MAGI2: variants seen among roughly 807,000 people sequenced by gnomAD.
The protein encoded by MAGI2 is membrane-associated guanylate kinase, WW and PDZ domain-containing protein 2.
Under a neutral mutation model 133.3 loss-of-function variants are expected in MAGI2, and 35 were observed. That is an observed-to-expected ratio of 0.26 (90% confidence interval 0.20 to 0.35). MAGI2 has a LOEUF of 0.35. MAGI2 is among the 10% of genes least tolerant of loss of function. The pLI is 1.00. For synonymous variants in MAGI2, 729 were observed against 710.6 expected (o/e 1.03, Z -0.41); for missense variants, 1,636 against 1,863.4 (o/e 0.88, Z 2.25).
intron 1 of MAGI2, among the ~76,000 whole-genome samples, chr7:79,364,009 C>T (rs1287407986): frequency 2.0e-5 from 3 of 151,792 alleles, no homozygotes; most frequent in Non-Finnish European, 4.4e-5. Flanking sequence ...ATCTCTAATC[C>T]TCAGACAAAT....
intron 14 of MAGI2, among the ~76,000 whole-genome samples, chr7:78,177,206 T>C (rs1563219922): frequency 6.6e-6 from 1 of 152,182 alleles, no homozygotes; most frequent in East Asian, 1.9e-4. Flanking sequence ...CAGAGCCGGA[T>C]GGGATGTAGA....
rs59531463 is a variant in MAGI2, at chr7:78,061,409, TACACACACACACACACACAC to T, written c.3706+17518_3706+17537del. ...TATGCTCACATCTGGGGACTGGTTG[TACACACACACACACACACAC>T]ACACACACACACACACACACACACA... On this transcript the variant is annotated intron_variant, in intron 21 of 21. Transcript: ENST00000354212. 4.9e-4 allele frequency among the ~76,000 whole-genome samples: 68 copies of T among 139,752 alleles called. 1 individual carries two copies. In the South Asian group the frequency reaches 5.0e-3, roughly 10 times the overall value. 91.7% of individuals were successfully genotyped at this position (139,752 alleles called of 152,430 possible).
chr7:79,353,206 G>T (rs1841800997), intron 1 of MAGI2, among the ~76,000 whole-genome samples: 1 of 152,040 alleles, frequency 6.6e-6, no homozygotes, highest in Non-Finnish European at 1.5e-5. Context: ...AGCTGCCTAG[G>T]ACCTCCAGGT....
At chr7:78,522,450 C>T (rs749730663) in intron 3 of MAGI2, among the ~76,000 whole-genome samples, 4 of 152,188 alleles carry the variant, frequency 2.6e-5, no homozygotes, top group Admixed American at 2.0e-4. Flanking sequence ...GCAATCTTGG[C>T]GGACTGATAC....
chr7:78,261,753 G>C (rs1219150262), intron 9 of MAGI2, among the ~76,000 whole-genome samples: 4 of 152,056 alleles, frequency 2.6e-5, no homozygotes, highest in Admixed American at 2.6e-4. Flanking sequence ...TATTTTTAAA[G>C]TTTCCTCTCG....
At chr7:78,088,360 C>T (rs1319093464) in intron 20 of MAGI2, among the ~76,000 whole-genome samples, 8 of 152,174 alleles carry the variant, frequency 5.3e-5, no homozygotes, top group African/African-American at 1.9e-4. Flanking sequence ...TCTGTCTTTA[C>T]ATCTCTCTCT....
At chr7:78,800,251 T>C (rs1472296176) in intron 2 of MAGI2, among the ~76,000 whole-genome samples, 2 of 152,094 alleles carry the variant, frequency 1.3e-5, no homozygotes, top group African/African-American at 4.8e-5. Flanking sequence ...TCTGTGGTAT[T>C]GGGCAAACAA....
chr7:78,623,158 A>G (rs1172545126), intron 3 of MAGI2, among the ~76,000 whole-genome samples: 2 of 152,088 alleles, frequency 1.3e-5, no homozygotes, highest in Admixed American at 1.3e-4. Context: ...TACCATTAAC[A>G]TTTGACATAA....
At chr7:79,352,217 C>T (rs531549929) in intron 1 of MAGI2, among the ~76,000 whole-genome samples, 2 of 152,262 alleles carry the variant, frequency 1.3e-5, no homozygotes, top group Non-Finnish European at 2.9e-5. Context: ...AAACTCCTCA[C>T]AAAGCTCAGA....
intron 1 of MAGI2, among the ~76,000 whole-genome samples, chr7:79,066,287 T>TTG (rs1554348079): frequency 6.7e-6 from 1 of 148,682 alleles, no homozygotes; most frequent in Non-Finnish European, 1.5e-5. Context: ...AGTGTGGTGT[T>TTG]TTTTTTTTTT....
At chr7:78,619,533 T>C (rs903705373) in intron 3 of MAGI2, among the ~76,000 whole-genome samples, 1 of 151,928 alleles carries the variant, frequency 6.6e-6, no homozygotes, top group Admixed American at 6.6e-5. Context: ...TATGATAATA[T>C]TAAAATCATT....
intron 4 of MAGI2, among the ~76,000 whole-genome samples, chr7:78,515,050 T>C (rs1452894650): frequency 6.6e-6 from 1 of 152,206 alleles, no homozygotes; most frequent in Non-Finnish European, 1.5e-5. Context: ...TTTTAAAATA[T>C]ATGCGCATTT....
chr7:78,488,439 T>C (rs952777626), intron 6 of MAGI2, among the ~76,000 whole-genome samples: 5 of 152,042 alleles, frequency 3.3e-5, no homozygotes, highest in African/African-American at 1.2e-4. Flanking sequence ...AATTGTTAAA[T>C]TCACTTTAAT....
At chr7:79,411,625 A>G (rs141688015) in intron 1 of MAGI2, 3 of 152,264 alleles carry the variant, frequency 2.0e-5, no homozygotes, top group African/African-American at 7.2e-5. Flanking sequence ...TTCCAGAACT[A>G]TAAGATAATA....
intron 2 of MAGI2, among the ~76,000 whole-genome samples, chr7:78,731,005 C>T (rs1352206289): frequency 6.6e-6 from 1 of 151,906 alleles, no homozygotes; most frequent in East Asian, 1.9e-4. Flanking sequence ...CAAATTTTCA[C>T]AAGGCCAACT....
At chr7:78,732,563 T>C (rs1367209033) in intron 2 of MAGI2, among the ~76,000 whole-genome samples, 2 of 152,154 alleles carry the variant, frequency 1.3e-5, no homozygotes, top group African/African-American at 4.8e-5. Flanking sequence ...AGTGATGTAT[T>C]TTGGATATGT....
intron 10 of MAGI2, among the ~76,000 whole-genome samples, chr7:78,225,596 T>C (rs1164515390): frequency 6.6e-6 from 1 of 152,220 alleles, no homozygotes; most frequent in Non-Finnish European, 1.5e-5. Flanking sequence ...TGTGTTCACA[T>C]TTCTGCACCT....
chr7:78,966,108 C>T (rs1803282840), intron 2 of MAGI2, among the ~76,000 whole-genome samples: 1 of 152,042 alleles, frequency 6.6e-6, no homozygotes, highest in African/African-American at 2.4e-5. Context: ...CTGAATCTCT[C>T]TACAATGTGC....
At chr7:78,818,538 A>G (rs750800379) in intron 2 of MAGI2, among the ~76,000 whole-genome samples, 4 of 152,174 alleles carry the variant, frequency 2.6e-5, no homozygotes, top group Non-Finnish European at 2.9e-5. Context: ...TTTCATTTTA[A>G]TCCTAATATA....
Sources: gnomAD v4.1 joint callset for allele counts (sites outside exome capture counted in the v4.1 genomes callset) on GRCh38, gnomAD v4.1.1 for gene constraint, MANE v1.5 for transcripts, NCBI Gene and HGNC (gene_info 2026-07-23, HGNC 2026-07-21) for gene names.